FCHSD2: variants seen among roughly 807,000 people sequenced by gnomAD.
The protein encoded by FCHSD2 is FCH and double SH3 domains 2, also known as F-BAR and double SH3 domains protein 2.
In FCHSD2, 38 loss-of-function variants were observed where a neutral mutation model predicts 108.1. The observed-to-expected ratio is 0.35, with a 90% confidence interval of 0.27 to 0.46. The LOEUF (loss-of-function observed/expected upper bound fraction) is 0.46, where lower values mean the gene tolerates loss of function less well. FCHSD2 is among the 20% of genes least tolerant of loss of function. The pLI, the probability that FCHSD2 is intolerant of heterozygous loss-of-function variation, is 1.00. For synonymous variants in FCHSD2, 279 were observed against 314.7 expected, an observed-to-expected ratio of 0.89 and a Z score of 1.20; for missense variants, 751 against 897.8, an observed-to-expected ratio of 0.84 and a Z score of 2.09.
chr11:72,873,529 GCTGT>G (rs1565299540), intron 12 of FCHSD2, among the ~76,000 whole-genome samples: 2 of 152,148 alleles, frequency 1.3e-5, no homozygotes, highest in East Asian at 1.9e-4. Flanking sequence ...CATTCTGTGG[GCTGT>G]CTTTCATTTT....
At position 72,953,480 on chromosome 11, in the gene FCHSD2, A is replaced by G. The variant is rs560546086; in HGVS notation, c.705+30608T>C. On this transcript the variant is annotated intron_variant, in intron 8 of 19. Coordinates refer to ENST00000409418, the MANE Select transcript of FCHSD2 (RefSeq NM_014824.3). ...AACATCATCTAATTTACAGCTATAT[A>G]AAAGATACTGCTAATATATCACCTA... Among the ~76,000 whole-genome samples, 12 of 152,312 alleles carry G rather than the reference A, an allele frequency of 7.9e-5. No homozygotes were observed. In the East Asian group the frequency reaches 2.3e-3, roughly 29 times the overall value.
At chr11:73,072,035 A>G (rs1355895100) in intron 3 of FCHSD2, among the ~76,000 whole-genome samples, 1 of 152,038 alleles carries the variant, frequency 6.6e-6, no homozygotes, top group Non-Finnish European at 1.5e-5. Context: ...CTCAAACTCA[A>G]CCAGTGGGAC....
intron 9 of FCHSD2, among the ~76,000 whole-genome samples, chr11:72,903,251 C>T (rs1270787923): frequency 1.3e-5 from 2 of 152,036 alleles, no homozygotes; most frequent in Non-Finnish European, 2.9e-5. Flanking sequence ...GAGTCTCGCT[C>T]TGTCGCCTGG....
intron 9 of FCHSD2, among the ~76,000 whole-genome samples, chr11:72,910,460 T>C (rs1200786289): frequency 6.6e-6 from 1 of 152,212 alleles, no homozygotes; most frequent in African/African-American, 2.4e-5. Context: ...CATAGGAGAC[T>C]CCATTTTGTT....
At chr11:72,900,637 GA>G (rs1347105637) in intron 10 of FCHSD2, among the ~76,000 whole-genome samples, 1 of 150,770 alleles carries the variant, frequency 6.6e-6, no homozygotes, top group Non-Finnish European at 1.5e-5. Context: ...CAAATCACAG[GA>G]GAATGTGAAT....
intron 3 of FCHSD2, among the ~76,000 whole-genome samples, chr11:73,017,839 T>C (rs924600366): frequency 7.2e-5 from 11 of 152,148 alleles, no homozygotes; most frequent in Non-Finnish European, 1.3e-4. Context: ...CAAATATATA[T>C]AGGAAAATGT....
intron 13 of FCHSD2, among the ~76,000 whole-genome samples, chr11:72,856,330 G>A (rs933598955): frequency 6.6e-6 from 1 of 152,152 alleles, no homozygotes; most frequent in Non-Finnish European, 1.5e-5. Context: ...CTGCCTAGCT[G>A]TCAAGTTCTA....
intron 8 of FCHSD2, among the ~76,000 whole-genome samples, chr11:72,924,536 C>T (rs1197737709): frequency 1.3e-5 from 2 of 151,628 alleles, no homozygotes; most frequent in South Asian, 2.1e-4. Flanking sequence ...CCCACCTTGG[C>T]CTCCCAAAGT....
At chr11:73,062,665 G>A (rs1005593732) in intron 3 of FCHSD2, among the ~76,000 whole-genome samples, 13 of 152,062 alleles carry the variant, frequency 8.5e-5, no homozygotes, top group Non-Finnish European at 1.5e-5. Context: ...TAGCCAAATC[G>A]ATCAAGAGGA....
intron 9 of FCHSD2, among the ~76,000 whole-genome samples, chr11:72,918,013 T>G (rs1297836163): frequency 6.6e-6 from 1 of 152,216 alleles, no homozygotes; most frequent in African/African-American, 2.4e-5. Context: ...ATTAGCAACA[T>G]GAAATCTCCC....
intron 3 of FCHSD2, among the ~76,000 whole-genome samples, chr11:73,033,287 C>CAAA (rs34802040): frequency 5.3e-5 from 6 of 114,160 alleles, no homozygotes; most frequent in Non-Finnish European, 8.9e-5. Flanking sequence ...GATTCCGACT[C>CAAA]AAAAAAAAAA....
intron 3 of FCHSD2, among the ~76,000 whole-genome samples, chr11:73,057,973 G>A (rs1212519940): frequency 2.0e-5 from 3 of 151,234 alleles, no homozygotes; most frequent in South Asian, 2.1e-4. Context: ...TCCGCCTCCC[G>A]GGTTCACGCC....
intron 3 of FCHSD2, among the ~76,000 whole-genome samples, chr11:73,017,933 A>T (rs1188293016): frequency 6.6e-6 from 1 of 152,182 alleles, no homozygotes; most frequent in Non-Finnish European, 1.5e-5. Flanking sequence ...CTATAATTCT[A>T]TAAAGAATTA....
chr11:72,906,503 G>C (rs1446434985), intron 9 of FCHSD2, among the ~76,000 whole-genome samples: 2 of 152,148 alleles, frequency 1.3e-5, no homozygotes, highest in Non-Finnish European at 2.9e-5. Context: ...CTTTGCCCAT[G>C]CCTATGTCCT....
intron 3 of FCHSD2, among the ~76,000 whole-genome samples, chr11:73,083,183 G>A (rs1030696334): frequency 1.3e-5 from 2 of 152,126 alleles, no homozygotes; most frequent in Non-Finnish European, 2.9e-5. Context: ...AGTAAATAAT[G>A]TCTCCTCCAG....
In FCHSD2 at chr11:72,842,701, T is replaced by C; in HGVS notation, c.1846A>G (p.Ile616Val). The C allele has an allele frequency of 1.9e-6, 3 of 1,614,038 alleles. No homozygotes were observed. The highest frequency in any genetic ancestry group is 1.3e-5 in the African/African-American group (1 of 75,056). Residue 616 changes from isoleucine to valine, a missense_variant, in exon 17 of 20, where the codon ATT becomes GTT. Physicochemically the swap from Ile to Val is conservative, Grantham distance 29. Coordinates refer to ENST00000409418, the MANE Select transcript of FCHSD2 (RefSeq NM_014824.3). ...ACTAGCACCGATGGGAAAACTCCAA[T>C]ACGCCCATTGAATTCCCCTTCCCAG... is the stretch of plus-strand genomic sequence containing the variant. ...GFWEGEFNGR[I>V]GVFPSVLVEE...
At chr11:73,014,133 T>C (rs992483788) in intron 4 of FCHSD2, among the ~76,000 whole-genome samples, 1 of 144,530 alleles carries the variant, frequency 6.9e-6, no homozygotes, top group South Asian at 2.3e-4. Context: ...TCTTTTTTTT[T>C]TTTTTTTTTT....
chr11:72,943,966 T>G (rs1226896609), intron 8 of FCHSD2, among the ~76,000 whole-genome samples: 1 of 152,158 alleles, frequency 6.6e-6, no homozygotes. Context: ...TTCTATTGCA[T>G]GACATGGAGG....
chr11:72,964,639 C>T (rs185886891), intron 8 of FCHSD2, among the ~76,000 whole-genome samples: 33 of 152,234 alleles, frequency 2.2e-4, no homozygotes, highest in African/African-American at 7.0e-4. Context: ...GAATCTTCTG[C>T]GTTAACTTCC....
Sources: allele counts gnomAD v4.1 joint callset (sites outside exome capture counted in the v4.1 genomes callset), GRCh38; gene constraint gnomAD v4.1.1; transcripts MANE v1.5; gene names NCBI Gene and HGNC (gene_info 2026-07-23, HGNC 2026-07-21).